The following ARMCX5 variants were observed in gnomAD, a reference collection of about 807,000 sequenced individuals.
The protein encoded by ARMCX5 is armadillo repeat-containing X-linked protein 5.
Under a neutral mutation model 7.5 loss-of-function variants are expected in ARMCX5, and 1 was observed. That is an observed-to-expected ratio of 0.13 (90% confidence interval 0.05 to 0.63). ARMCX5 has a LOEUF of 0.63. Ranked by LOEUF, ARMCX5 falls within the 30% of genes least tolerant of loss-of-function variation. The pLI, the probability that ARMCX5 is intolerant of heterozygous loss-of-function variation, is 0.86. For synonymous variants in ARMCX5, 149 were observed against 145.7 expected (o/e 1.02, Z -0.16); for missense variants, 346 against 402.2 (o/e 0.86, Z 1.19).
Position 102,602,273 on chromosome X carries a change from G to A in ARMCX5, c.132G>A (p.Leu44=). ...CCGAGGCAGTGGCTGAGGCAGAACT[G>A]AAAACAGAATCAGTGACCCAGGCCA... ...TQAEAVAEAE[L]KTESVTQAKA... Residue 44 remains leucine, a synonymous_variant, in exon 4 of 4, where the codon CTG becomes CTA. Transcript: ENST00000473968. The A allele has an allele frequency of 1.7e-6, 2 of 1,211,763 alleles. No individual in the cohort carries two copies. The highest frequency in any genetic ancestry group is 2.2e-6 in the Non-Finnish European group (2 of 895,465).
chrX:102,600,587 T>C (rs1195244855), intron 1 of ARMCX5: 1 of 111,234 alleles, frequency 9.0e-6, no homozygotes, highest in African/African-American at 3.3e-5. Context: ...GAAGGAAACA[T>C]AGGAACCCAG....
At chrX:102,601,538 G>C (rs1323838510) in intron 3 of ARMCX5, 29 bp downstream of exon 3, 2 of 112,964 alleles carry the variant, frequency 1.8e-5, no homozygotes, top group Non-Finnish European at 3.7e-5. Context: ...CTCCAGATCA[G>C]TGCAGGTTGG....
At chrX:102,600,621 T>C (rs939416129) in intron 1 of ARMCX5, 4 of 111,372 alleles carry the variant, frequency 3.6e-5, no homozygotes, top group African/African-American at 6.5e-5. Flanking sequence ...ATAAATACTT[T>C]TCATTTTTTC....
In ARMCX5 at chrX:102,603,571, C is replaced by A. The variant is rs1367794687; in HGVS notation, c.1430C>A (p.Ser477Ter). Residue 477 changes from serine to a stop codon, truncating the protein, a stop_gained, in exon 4 of 4, where the codon TCA (serine) becomes TAA (stop). Transcript: ENST00000473968. LOFTEE classifies it high-confidence loss of function. Reference sequence around the variant, plus strand: ...TTGATCAGTGCCAAAGTACTGTCATCATTGGTTGCACCCTTTAACAAGAAT... The same window carrying A: ...TTGATCAGTGCCAAAGTACTGTCATAATTGGTTGCACCCTTTAACAAGAAT... Reference protein sequence around the residue: ...RELISAKVLSSLVAPFNKNES... With the variant: ...RELISAKVLS 1 of 1,195,006 alleles carries A rather than the reference C, an allele frequency of 8.4e-7. No homozygotes were observed. Among genetic ancestry groups the A allele is most frequent in the African/African-American group, 1.8e-5 (1 of 56,803 alleles).
At chrX:102,601,587 G>C (rs1270762058) in intron 3 of ARMCX5, 78 bp downstream of exon 3, 2 of 114,139 alleles carry the variant, frequency 1.8e-5, no homozygotes, top group Admixed American at 9.1e-5. Flanking sequence ...CTGTAGGATG[G>C]AGTAGTGGAG....
rs761086031 is a variant in ARMCX5 at position 102,602,484 on chromosome X, A to C, written c.343A>C (p.Arg115=). 1.7e-6 allele frequency: 2 copies of C among 1,211,496 alleles called. No individual in the cohort carries two copies. Among genetic ancestry groups the C allele is most frequent in the East Asian group, 5.9e-5 (2 of 33,832 alleles). Residue 115 remains arginine, a synonymous_variant, in exon 4 of 4, where the codon AGG becomes CGG. Coordinates refer to ENST00000473968, the MANE Select transcript of ARMCX5 (RefSeq NM_001168478.2). Reference sequence around the variant, plus strand: ...CAAGTCAAAGGCCATGCCTATGTCTAGGGTCAGTACTGTAACCAAGTCTGA... The same window carrying C: ...CAAGTCAAAGGCCATGCCTATGTCTCGGGTCAGTACTGTAACCAAGTCTGA... ...QTKSKAMPMS[R]VSTVTKSEVK... is the part of the protein sequence containing the mutation.
rs1293626733 is a variant in ARMCX5 at position 102,603,679 on chromosome X, C to G, written c.1538C>G (p.Thr513Ser). ...FQFKTKAKLF[T>S]KEKFTKSELI... ...TTCAAAACAAAGGCAAAGCTATTTA[C>G]CAAGGAAAAGTTCACTAAATCTGAG... The change falls in exon 4 of 4, where the codon ACC (threonine) becomes AGC (serine). Residue 513 changes from threonine (T) to serine (S), a missense_variant. Thr to Ser is a moderately conservative substitution (Grantham distance 58). Around this residue, in one of 3 missense-constraint regions of ARMCX5, gnomAD observed 139 missense variants for 141.1 expected, o/e 0.99. Coordinates refer to ENST00000473968, the MANE Select transcript of ARMCX5 (RefSeq NM_001168478.2). 3 of 1,197,483 alleles carry G rather than the reference C, an allele frequency of 2.5e-6. No individual in the cohort carries two copies. Among genetic ancestry groups the G allele is most frequent in the Non-Finnish European group, 3.4e-6 (3 of 884,831 alleles).
chrX:102,601,785 G>A, intron 3 of ARMCX5, 95 bp from the exon 4 acceptor site: 1 of 197,372 alleles, frequency 5.1e-6, no homozygotes, highest in South Asian at 2.1e-4. Context: ...ACCTAGCACT[G>A]AATCACCATA....
chrX:102,599,964 G>A (rs1395947219), intron 1 of ARMCX5, 117 bp downstream of exon 1: 3 of 105,518 alleles, frequency 2.8e-5, no homozygotes, highest in African/African-American at 1.0e-4. Context: ...TGGGTAATTG[G>A]AATGGCACAC....
Position 102,602,058 on chromosome X carries a change from G to T in ARMCX5, c.-84G>T, listed in dbSNP as rs2147604249. On this transcript the variant is annotated 5_prime_UTR_variant, in exon 4 of 4. Coordinates refer to ENST00000473968, the MANE Select transcript of ARMCX5 (RefSeq NM_001168478.2). ...GGACAGAGTGACTACTGGACTTTGT[G>T]TGAAAACACCAACCGGGACAAAACT... The T allele has an allele frequency of 1.2e-6, 1 of 856,448 alleles. No individual in the cohort carries two copies. The highest frequency in any genetic ancestry group is 1.7e-6 in the Non-Finnish European group (1 of 599,866). 70.6% of individuals were successfully genotyped at this position (856,448 alleles called of 1,213,427 possible). A position where few individuals can be genotyped will look rare whatever the true frequency, so the allele number is the denominator to read the frequency against.
In ARMCX5 at chrX:102,602,815, C is replaced by T. The variant is rs770936094; in HGVS notation, c.674C>T (p.Ser225Leu). ...ATAAAACAAAAGGTAATAGCATGGT[C>T]AAGGGCCAGGTATATTGTCCTAGTT... ...LTIKQKVIAW[S>L]RARYIVLVPV... is the part of the protein sequence containing the mutation. The change falls in exon 4 of 4, where the codon TCA becomes TTA. Residue 225 changes from serine to leucine, a missense_variant. This residue lies in a region of ARMCX5 where 204 missense variants were observed against 244.3 expected (regional missense o/e 0.83). Coordinates refer to ENST00000473968, the MANE Select transcript of ARMCX5 (RefSeq NM_001168478.2). The T allele has an allele frequency of 6.9e-5, 84 of 1,208,934 alleles. No individual in the cohort carries two copies. In the Admixed American group the frequency reaches 1.8e-3, roughly 26 times the overall value.
chrX:102,602,109 G>A lies in ARMCX5; in HGVS notation c.-33G>A, dbSNP rs770701406. Reference sequence around the variant, plus strand: ...TCAGTCAAGGCTGAGACGGGTGGGGGTATATAACTTGTCCTTACGTTAAAC... The same window carrying A: ...TCAGTCAAGGCTGAGACGGGTGGGGATATATAACTTGTCCTTACGTTAAAC... On this transcript the variant is annotated 5_prime_UTR_variant, in exon 4 of 4. Transcript: ENST00000473968. The A allele has an allele frequency of 1.1e-5, 12 of 1,128,272 alleles. No individual in the cohort carries two copies. Among genetic ancestry groups the A allele is most frequent in the East Asian group, 3.0e-5 (1 of 33,365 alleles). The allele number at this position is 1,128,272 out of a possible 1,213,427, so 93.0% of individuals were successfully genotyped here.
At chrX:102,601,228 G>A (rs1204945792) in intron 2 of ARMCX5, 196 bp downstream of exon 2, 4 of 111,430 alleles carry the variant, frequency 3.6e-5, no homozygotes, top group African/African-American at 9.8e-5. Context: ...CTGCTCTCAC[G>A]CTTGAACCTA....
chrX:102,600,149 A>G (rs1191741329), intron 1 of ARMCX5: 1 of 104,729 alleles, frequency 9.5e-6, no homozygotes, highest in African/African-American at 3.5e-5. Flanking sequence ...GAGCCCTGAG[A>G]GGGAGAGAAT....
chrX:102,600,265 C>CA (rs1370034941), intron 1 of ARMCX5: 4 of 110,412 alleles, frequency 3.6e-5, no homozygotes, highest in Non-Finnish European at 7.6e-5. Flanking sequence ...CTCTCTCTGT[C>CA]TTTTCATTTG....
chrX:102,602,936 C>A lies in ARMCX5; in HGVS notation c.795C>A (p.Thr265=). Residue 265 remains threonine (T), a synonymous_variant, in exon 4 of 4, where the codon ACC becomes ACA. Coordinates refer to ENST00000473968, the MANE Select transcript of ARMCX5 (RefSeq NM_001168478.2). ...CTCCTCTGGGGATTCGACCTTTGAC[C>A]AAGATCCCACCTTATCATGGGCCTT... is the stretch of plus-strand genomic sequence containing the variant. The part of the protein sequence containing the change: ...IETPLGIRPL[T]KIPPYHGPYY... 3 of 1,211,104 alleles carry A rather than the reference C, an allele frequency of 2.5e-6. No individual in the cohort carries two copies. Among genetic ancestry groups the A allele is most frequent in the Non-Finnish European group, 3.4e-6 (3 of 895,107 alleles).
At position 102,603,139 on chromosome X, in the gene ARMCX5, T is replaced by C. The variant is rs370182133; in HGVS notation, c.998T>C (p.Met333Thr). 11 of 1,210,498 alleles carry C rather than the reference T, an allele frequency of 9.1e-6. No individual in the cohort carries two copies. The highest frequency in any genetic ancestry group is 1.1e-5 in the Non-Finnish European group (10 of 894,362). The change falls in exon 4 of 4, where the codon ATG (methionine) becomes ACG (threonine). Residue 333 changes from methionine (M) to threonine (T), a missense_variant. By Grantham distance (81) the Met-to-Thr change is moderately conservative. Transcript: ENST00000473968. ...KDPFIHEIAT[M>T]IMGISPAYPF... ...CCTTTCATTCATGAAATAGCTACAATGATAATGGGCATCAGTCCTGCTTAT... is the reference window on the plus strand; with the variant it reads ...CCTTTCATTCATGAAATAGCTACAACGATAATGGGCATCAGTCCTGCTTAT...
Position 102,603,934 on chromosome X carries a change from A to G in ARMCX5, c.*116A>G, listed in dbSNP as rs2081074268. ...GTTTTCCATGTTGATTGAGGGAGGC[A>G]ATTTTATGGATACCAATTAATCTTG... On this transcript the variant is annotated 3_prime_UTR_variant, in exon 4 of 4. Coordinates refer to ENST00000473968, the MANE Select transcript of ARMCX5 (RefSeq NM_001168478.2). The G allele has an allele frequency of 2.1e-6, 1 of 484,843 alleles. No homozygotes were observed. 40.0% of individuals were successfully genotyped at this position (484,843 alleles called of 1,213,427 possible).
Position 102,602,242 on chromosome X carries a change from C to T in ARMCX5, c.101C>T (p.Thr34Ile). The change falls in exon 4 of 4, where the codon ACC (threonine) becomes ATC (isoleucine). Residue 34 changes from threonine (T) to isoleucine (I), a missense_variant. Physicochemically the swap from Thr to Ile is moderately conservative, Grantham distance 89 (BLOSUM62 -1). This residue lies in a region of ARMCX5 where 204 missense variants were observed against 244.3 expected (regional missense o/e 0.83). Transcript: ENST00000473968. ...GCCACTGCTAGAGTGAATGGTAAAA[C>T]CCAGGCCGAGGCAGTGGCTGAGGCA... ...GPATARVNGK[T>I]QAEAVAEAEL... 1.7e-6 allele frequency: 2 copies of T among 1,211,480 alleles called. No homozygotes were observed. The highest frequency in any genetic ancestry group is 3.0e-5 in the East Asian group (1 of 33,834).
Sources: allele counts gnomAD v4.1 joint callset, GRCh38; gene constraint gnomAD v4.1.1; regional missense constraint gnomAD v4.1.1; transcripts MANE v1.5; gene names NCBI Gene and HGNC (gene_info 2026-07-23, HGNC 2026-07-21).